Variants in RASEF observed in about 807,000 individuals in gnomAD.
RASEF encodes ras and EF-hand domain-containing protein.
A neutral mutation model predicts 90.1 loss-of-function variants in RASEF; 68 were observed. That is an observed-to-expected ratio of 0.75 (90% confidence interval 0.62 to 0.92). RASEF has a LOEUF of 0.92. RASEF is among the 40% of genes least tolerant of loss of function. The pLI, the probability that RASEF is intolerant of heterozygous loss-of-function variation, is 0.00. For synonymous variants in RASEF, 331 were observed against 345.2 expected (o/e 0.96, Z 0.46); for missense variants, 949 against 937.2 (o/e 1.01, Z -0.16).
chr9:83,004,719 T>C (rs905613118), intron 8 of RASEF, 133 bp from the exon 9 acceptor site: 5 of 611,032 alleles, frequency 8.2e-6, no homozygotes, highest in East Asian at 5.6e-5. Context: ...ACTAAAAGTT[T>C]GTTACACTAC....
intron 2 of RASEF, among the ~76,000 whole-genome samples, chr9:83,024,009 A>G (rs1413365255): frequency 6.6e-6 from 1 of 152,224 alleles, no homozygotes; most frequent in Non-Finnish European, 1.5e-5. Context: ...TCCCTCCAGG[A>G]CACTGGGAAC....
chr9:83,205,566 T>C, the RASEF span, among the ~76,000 whole-genome samples: 1 of 152,102 alleles, frequency 6.6e-6, no homozygotes, highest in Non-Finnish European at 1.5e-5. Context: ...AATGAAACCT[T>C]TACTGACTCC....
At position 83,008,035 on chromosome 9, in the gene RASEF, C is replaced by T. The variant is rs567367236; in HGVS notation, c.960-530G>A. Among the ~76,000 whole-genome samples, 68 of 152,228 alleles carry T rather than the reference C, an allele frequency of 4.5e-4. 1 individual carries two copies. The highest frequency in any genetic ancestry group is 1.6e-3 in the African/African-American group (68 of 41,540). On this transcript the variant is annotated intron_variant, in intron 6 of 16. Transcript: ENST00000376447. Reference sequence around the variant, plus strand: ...TCCTTACCTAAACCACAGAGATCCCCAAAGAACCAGGCTTGCTAAGCTCGT... The same window carrying T: ...TCCTTACCTAAACCACAGAGATCCCTAAAGAACCAGGCTTGCTAAGCTCGT...
At chr9:83,088,873 C>A in the RASEF span, among the ~76,000 whole-genome samples, 5 of 151,810 alleles carry the variant, frequency 3.3e-5, no homozygotes, top group Non-Finnish European at 5.9e-5. Context: ...TCCATTATGC[C>A]AATGTCAGCC....
At chr9:82,990,971 T>C (rs1378864188) in intron 15 of RASEF, among the ~76,000 whole-genome samples, 1 of 152,204 alleles carries the variant, frequency 6.6e-6, no homozygotes, top group African/African-American at 2.4e-5. Flanking sequence ...ATAGTGCATA[T>C]GATATCATGT....
At chr9:83,110,951 A>G in the RASEF span, among the ~76,000 whole-genome samples, 1 of 152,218 alleles carries the variant, frequency 6.6e-6, no homozygotes, top group African/African-American at 2.4e-5. Context: ...AAAAAATCAC[A>G]AACCACATGA....
At chr9:83,195,786 A>G in the RASEF span, among the ~76,000 whole-genome samples, 458 of 152,186 alleles carry the variant, frequency 3.0e-3, 1 homozygote, top group South Asian at 7.7e-3. Context: ...ACTGACTCTG[A>G]GGGACACTGG....
At chr9:83,035,138 G>A (rs1829715918) in intron 1 of RASEF, among the ~76,000 whole-genome samples, 1 of 152,130 alleles carries the variant, frequency 6.6e-6, no homozygotes, top group Non-Finnish European at 1.5e-5. Context: ...CATGTTCAAG[G>A]TCAGTCTGCA....
intron 1 of RASEF, among the ~76,000 whole-genome samples, chr9:83,059,003 C>G (rs759251200): frequency 1.3e-5 from 2 of 152,242 alleles, no homozygotes; most frequent in East Asian, 3.9e-4. Context: ...GGTACCTGAC[C>G]TGAGGCTGTC....
the RASEF span, among the ~76,000 whole-genome samples, chr9:83,118,355 A>G: frequency 6.6e-6 from 1 of 152,196 alleles, no homozygotes. Flanking sequence ...AGTTATTCAA[A>G]TAGCCTCAAA....
the RASEF span, among the ~76,000 whole-genome samples, chr9:83,080,811 C>A: frequency 1.4e-4 from 22 of 152,160 alleles, no homozygotes; most frequent in African/African-American, 5.3e-4. Context: ...ATCTTCCCTG[C>A]AATCATTATG....
chr9:82,997,078 CA>C lies in RASEF; in HGVS notation c.1853del (p.Leu618CysfsTer19), dbSNP rs1564071069. 2 of 1,613,708 alleles carry C rather than the reference CA, an allele frequency of 1.2e-6. No homozygotes were observed. Among genetic ancestry groups the C allele is most frequent in the Non-Finnish European group, 1.7e-6 (2 of 1,179,664 alleles). On this transcript the variant is annotated frameshift_variant, in exon 14 of 17. Transcript: ENST00000376447. LOFTEE classifies it high-confidence loss of function. ...TCTCACATGTAACATCATACAGCAG[CA>C]AAACACCATCTGCCTTTCTGAAGTA... ...KSYFRKADGV[L>X]LLYDVTCEKS...
chr9:83,115,697 CAT>C, the RASEF span, among the ~76,000 whole-genome samples: 29 of 152,212 alleles, frequency 1.9e-4, no homozygotes, highest in African/African-American at 7.0e-4. Flanking sequence ...AATACATAGT[CAT>C]AAAAAGGGAG....
chr9:83,048,976 T>C (rs1829984919), intron 1 of RASEF, among the ~76,000 whole-genome samples: 1 of 151,842 alleles, frequency 6.6e-6, no homozygotes, highest in African/African-American at 2.4e-5. Flanking sequence ...ATACAAAAAT[T>C]AGCCGGGTGT....
chr9:83,210,119 T>C, the RASEF span, among the ~76,000 whole-genome samples: 1 of 152,192 alleles, frequency 6.6e-6, no homozygotes, highest in Non-Finnish European at 1.5e-5. Flanking sequence ...GAGCCATCTA[T>C]CTTAGAAGGC....
chr9:83,012,860 T>C (rs1829274120), intron 4 of RASEF, among the ~76,000 whole-genome samples: 1 of 152,256 alleles, frequency 6.6e-6, no homozygotes, highest in East Asian at 1.9e-4. Context: ...ATTATCTGCA[T>C]TTAACACTTT....
chr9:83,203,467 G>T, the RASEF span, among the ~76,000 whole-genome samples: 1 of 151,870 alleles, frequency 6.6e-6, no homozygotes, highest in African/African-American at 2.4e-5. Context: ...GTAGAGACGG[G>T]GTTTCATCAT....
At chr9:83,092,003 C>CTTTTT in the RASEF span, among the ~76,000 whole-genome samples, 15 of 35,918 alleles carry the variant, frequency 4.2e-4, no homozygotes, top group South Asian at 1.9e-3. Context: ...TCTTTTATTT[C>CTTTTT]TTTTTTTTTT....
the RASEF span, among the ~76,000 whole-genome samples, chr9:83,082,533 T>A: frequency 5.9e-5 from 9 of 152,128 alleles, no homozygotes; most frequent in Non-Finnish European, 1.0e-4. Flanking sequence ...ATTCAAACAT[T>A]TGTAGGAGAC....
Sources: gnomAD v4.1 joint callset for allele counts (sites outside exome capture counted in the v4.1 genomes callset) on GRCh38, gnomAD v4.1.1 for gene constraint, MANE v1.5 for transcripts, NCBI Gene and HGNC (gene_info 2026-07-23, HGNC 2026-07-21) for gene names.